The following SCAPER variants were observed in gnomAD, a reference collection of about 807,000 sequenced individuals.
SCAPER encodes the protein S phase cyclin A-associated protein in the endoplasmic reticulum.
A neutral mutation model predicts 182.2 loss-of-function variants in SCAPER; 98 were observed. That is an observed-to-expected ratio of 0.54 (90% CI 0.46 to 0.64). The LOEUF is 0.64. Ranked by LOEUF, SCAPER falls within the 30% of genes least tolerant of loss-of-function variation. The pLI is 0.00. For synonymous variants in SCAPER, 605 were observed against 564.6 expected (o/e 1.07, Z -1.01); for missense variants, 1,432 against 1,690.0 (o/e 0.85, Z 2.68).
chr15:76,554,203 A>C (rs2046006488), intron 23 of SCAPER, among the ~76,000 whole-genome samples: 1 of 152,246 alleles, frequency 6.6e-6, no homozygotes, highest in South Asian at 2.1e-4. Context: ...AAGTATTAAC[A>C]GCACAATCAG....
intron 27 of SCAPER, among the ~76,000 whole-genome samples, chr15:76,397,225 A>C (rs1341834531): frequency 6.6e-6 from 1 of 151,994 alleles, no homozygotes; most frequent in East Asian, 1.9e-4. Context: ...TTGGTTTGCT[A>C]GTATTTTGTT....
intron 8 of SCAPER, among the ~76,000 whole-genome samples, chr15:76,779,520 C>T (rs1287863001): frequency 3.9e-5 from 6 of 152,004 alleles, no homozygotes; most frequent in Non-Finnish European, 7.4e-5. Context: ...ATCTGGATAG[C>T]CCCGTAACTG....
At position 76,539,309 on chromosome 15, in the gene SCAPER, A is replaced by T. The variant is rs533482104; in HGVS notation, c.2839-34335T>A. 1.2e-4 allele frequency among the ~76,000 whole-genome samples: 18 copies of T among 152,322 alleles called. No individual in the cohort carries two copies. In the South Asian group the frequency reaches 3.5e-3, roughly 30 times the overall value. On this transcript the variant is annotated intron_variant, in intron 23 of 31. Coordinates refer to ENST00000563290, the MANE Select transcript of SCAPER (RefSeq NM_020843.4). Reference sequence around the variant, plus strand: ...ATTATAGGTACGTTTTGTGCAAGTAAACCTAAATAGAACTCCCAAGAAGAG... The same window carrying T: ...ATTATAGGTACGTTTTGTGCAAGTATACCTAAATAGAACTCCCAAGAAGAG...
chr15:76,418,076 A>G (rs759665796), intron 26 of SCAPER, among the ~76,000 whole-genome samples: 7 of 152,312 alleles, frequency 4.6e-5, no homozygotes, highest in Non-Finnish European at 1.0e-4. Context: ...AAGATGACCA[A>G]TTAGAGTTGC....
intron 6 of SCAPER, among the ~76,000 whole-genome samples, chr15:76,803,780 T>C (rs557094797): frequency 6.6e-6 from 1 of 152,350 alleles, no homozygotes; most frequent in East Asian, 1.9e-4. Context: ...CCCCCACCTC[T>C]TAATACTATC....
intron 5 of SCAPER, among the ~76,000 whole-genome samples, chr15:76,835,379 G>C (rs146647871): frequency 6.5e-4 from 99 of 152,206 alleles, no homozygotes; most frequent in African/African-American, 2.2e-3. Context: ...TGAGATGTAA[G>C]GTTGGTTCAC....
intron 21 of SCAPER, among the ~76,000 whole-genome samples, chr15:76,630,603 G>T (rs923550621): frequency 3.9e-5 from 6 of 152,144 alleles, no homozygotes; most frequent in African/African-American, 1.4e-4. Context: ...ATGTAGTTGT[G>T]TGGTTTTGCG....
intron 25 of SCAPER, among the ~76,000 whole-genome samples, chr15:76,457,050 C>T (rs57858767): frequency 0.17 from 26,287 of 151,372 alleles, 2,791 homozygotes; most frequent in Middle Eastern, 0.26. Context: ...GCCTTGTAAC[C>T]GGAGGGCTTT....
chr15:76,649,528 T>A (rs1264303290), intron 21 of SCAPER, among the ~76,000 whole-genome samples: 1 of 150,910 alleles, frequency 6.6e-6, no homozygotes, highest in African/African-American at 2.4e-5. Flanking sequence ...AACCATGATA[T>A]GGAAAAAAAT....
At chr15:76,516,434 A>T (rs1190270331) in intron 23 of SCAPER, among the ~76,000 whole-genome samples, 1 of 150,110 alleles carries the variant, frequency 6.7e-6, no homozygotes, top group African/African-American at 2.5e-5. Context: ...TCATTGTTCA[A>T]TTCCCACTTA....
rs556267855 is a variant in SCAPER at position 76,412,536 on chromosome 15, C to T, written c.3312-7857G>A. On this transcript the variant is annotated intron_variant, in intron 26 of 31. Transcript: ENST00000563290. ...TTTTTTTCAAAGCCTAATCAGCTCC[C>T]CCACCCCAAATAATTGGACCGTATT... is the stretch of plus-strand genomic sequence containing the variant. Among the ~76,000 whole-genome samples, 162 of 152,144 alleles carry T rather than the reference C, an allele frequency of 1.1e-3. 1 individual carries two copies. The highest frequency in any genetic ancestry group is 3.4e-3 in the Middle Eastern group (1 of 294).
chr15:76,660,929 G>C (rs1191624830), intron 21 of SCAPER, among the ~76,000 whole-genome samples: 1 of 151,706 alleles, frequency 6.6e-6, no homozygotes, highest in African/African-American at 2.4e-5. Context: ...AAACTAGCAA[G>C]AAATAAGTAA....
At chr15:76,876,910 T>C (rs1239120944) in intron 2 of SCAPER, among the ~76,000 whole-genome samples, 1 of 152,058 alleles carries the variant, frequency 6.6e-6, no homozygotes, top group African/African-American at 2.4e-5. Flanking sequence ...CACTAGAAAG[T>C]ATAGAAATGC....
At chr15:76,713,286 C>G (rs2150894953) in intron 17 of SCAPER, among the ~76,000 whole-genome samples, 2 of 152,076 alleles carry the variant, frequency 1.3e-5, no homozygotes, top group Admixed American at 6.6e-5. Flanking sequence ...TGAGTATATA[C>G]CCAAAGGACT....
chr15:76,835,532 A>G (rs1470743660), intron 5 of SCAPER, among the ~76,000 whole-genome samples: 3 of 152,224 alleles, frequency 2.0e-5, no homozygotes, highest in Non-Finnish European at 4.4e-5. Context: ...CTAGGTATAA[A>G]GATAACATAA....
chr15:76,512,215 A>C (rs1391571604), intron 23 of SCAPER, among the ~76,000 whole-genome samples: 1 of 150,838 alleles, frequency 6.6e-6, no homozygotes, highest in Non-Finnish European at 1.5e-5. Flanking sequence ...AACTGCTAAA[A>C]CACAAACAAT....
intron 4 of SCAPER, among the ~76,000 whole-genome samples, chr15:76,851,172 A>G (rs7178759): frequency 0.81 from 122,817 of 151,828 alleles, 50,660 homozygotes; most frequent in Middle Eastern, 0.91. Context: ...ACAAACCTCC[A>G]AGAACTGTGG....
At chr15:76,640,909 A>G (rs1258293238) in intron 21 of SCAPER, among the ~76,000 whole-genome samples, 2 of 152,214 alleles carry the variant, frequency 1.3e-5, no homozygotes, top group Non-Finnish European at 2.9e-5. Flanking sequence ...GAGGTTTCAC[A>G]TCACCAAGAT....
chr15:76,591,033 C>T (rs1433696327), intron 22 of SCAPER, among the ~76,000 whole-genome samples: 1 of 152,166 alleles, frequency 6.6e-6, no homozygotes. Context: ...AGACTCATAA[C>T]TGCAGGCGAG....
Sources: gnomAD v4.1 joint callset for allele counts (sites outside exome capture counted in the v4.1 genomes callset) on GRCh38, gnomAD v4.1.1 for gene constraint, MANE v1.5 for transcripts, NCBI Gene and HGNC (gene_info 2026-07-23, HGNC 2026-07-21) for gene names.